Variants in CSMD1 observed in about 807,000 individuals in gnomAD.
CSMD1 encodes CUB and sushi domain-containing protein 1.
CSMD1 carries 213 observed loss-of-function variants against 417.5 expected under a neutral mutation model. The ratio of observed to expected loss-of-function variants is 0.51; its 90% CI spans 0.46 to 0.57. The LOEUF (loss-of-function observed/expected upper bound fraction) is 0.57. CSMD1 is among the 20% of genes least tolerant of loss of function. The pLI is 0.00. For synonymous variants in CSMD1, 2,862 were observed against 1,736.8 expected, an observed-to-expected ratio of 1.65 and a Z score of -16.11; for missense variants, 6,923 against 4,529.7, an observed-to-expected ratio of 1.53 and a Z score of -15.17.
At chr8:4,197,195 C>A (rs1462704504) in intron 3 of CSMD1, among the ~76,000 whole-genome samples, 1 of 152,168 alleles carries the variant, frequency 6.6e-6, no homozygotes, top group Non-Finnish European at 1.5e-5. Flanking sequence ...AAAGTCCTAG[C>A]ATTTTCCAGT....
intron 3 of CSMD1, among the ~76,000 whole-genome samples, chr8:4,405,447 T>A (rs1804941627): frequency 6.6e-6 from 1 of 152,112 alleles, no homozygotes; most frequent in Admixed American, 6.6e-5. Context: ...AAATGAAGAT[T>A]TTAACGCCCA....
At chr8:2,950,920 C>T (rs976619921) in intron 66 of CSMD1, among the ~76,000 whole-genome samples, 194 bp downstream of exon 66, 10 of 152,130 alleles carry the variant, frequency 6.6e-5, no homozygotes, top group African/African-American at 2.2e-4. Flanking sequence ...TTTCTGTACT[C>T]GTTTTGTAAT....
At position 3,471,113 on chromosome 8, in the gene CSMD1, G is replaced by C. The variant is rs148929289; in HGVS notation, c.1449-2289C>G. 3.2e-3 allele frequency among the ~76,000 whole-genome samples: 488 copies of C among 152,268 alleles called. 5 individuals are homozygous for C. The highest frequency in any genetic ancestry group is 0.01 in the African/African-American group (434 of 41,556). On this transcript the variant is annotated intron_variant, in intron 11 of 69. Coordinates refer to ENST00000635120, the MANE Select transcript of CSMD1 (RefSeq NM_033225.6). ...TACCAAATTTTTCCCCAGACTGTTT[G>C]TACATTCCCACCAGCAGTGTGTGAG...
In CSMD1 at chr8:4,200,850, C is replaced by G. The variant is rs181572532; in HGVS notation, c.416-168751G>C. 2.3e-4 allele frequency among the ~76,000 whole-genome samples: 35 copies of G among 152,050 alleles called. No individual in the cohort carries two copies. The East Asian group carries it at 6.6e-3, about 29-fold the overall frequency. ...TCTCGCCTGAGTGACAAAGTGAAAC[C>G]CTGTCTCAAAATAATGATGATAATA... On this transcript the variant is annotated intron_variant, in intron 3 of 69. Transcript: ENST00000635120.
In CSMD1 at chr8:3,087,564, G is replaced by A. The variant is rs944914653; in HGVS notation, c.7286-279C>T. 2.0e-5 allele frequency among the ~76,000 whole-genome samples: 3 copies of A among 152,186 alleles called. No individual in the cohort carries two copies. The East Asian group carries it at 5.8e-4, about 29-fold the overall frequency. ...AAACATCAAGAGTATCCAATCTTTAGGCTTCCCTGGGACACACTGGAAGAA... is the reference window on the plus strand; with the variant it reads ...AAACATCAAGAGTATCCAATCTTTAAGCTTCCCTGGGACACACTGGAAGAA... On this transcript the variant is annotated intron_variant, in intron 48 of 69. Coordinates refer to ENST00000635120, the MANE Select transcript of CSMD1 (RefSeq NM_033225.6).
At chr8:3,254,521 G>T (rs1051557081) in intron 26 of CSMD1, among the ~76,000 whole-genome samples, 1 of 152,132 alleles carries the variant, frequency 6.6e-6, no homozygotes, top group African/African-American at 2.4e-5. Context: ...CCAATCAGAC[G>T]TAGATTTGGT....
chr8:4,633,413 AT>A (rs546095176), intron 2 of CSMD1, among the ~76,000 whole-genome samples: 5 of 150,018 alleles, frequency 3.3e-5, no homozygotes, highest in South Asian at 2.1e-4. Context: ...CGCCCAGCTA[AT>A]TTTTTTTTGT....
At chr8:4,056,281 C>T (rs1048482312) in intron 3 of CSMD1, among the ~76,000 whole-genome samples, 1 of 151,700 alleles carries the variant, frequency 6.6e-6, no homozygotes, top group Admixed American at 6.6e-5. Context: ...TGGAGTTTCA[C>T]CATGTTGGCC....
Position 3,744,179 on chromosome 8 carries a change from TG to T in CSMD1, c.931+9750del, listed in dbSNP as rs552430500. ...TGGATTGACAAGGGCATGGAAGGTCTGGCGGGAGTGGGAGTTGAGGACAGGG... is the reference window on the plus strand; with the variant it reads ...TGGATTGACAAGGGCATGGAAGGTCTGCGGGAGTGGGAGTTGAGGACAGGG... On this transcript the variant is annotated intron_variant, in intron 6 of 69. Coordinates refer to ENST00000635120, the MANE Select transcript of CSMD1 (RefSeq NM_033225.6). 1.2e-3 allele frequency among the ~76,000 whole-genome samples: 187 copies of T among 152,304 alleles called. 1 individual carries two copies. The highest frequency in any genetic ancestry group is 4.2e-3 in the African/African-American group (176 of 41,566).
At chr8:3,205,463 G>T (rs1426299225) in intron 31 of CSMD1, 41 bp downstream of exon 31, 2 of 999,952 alleles carry the variant, frequency 2.0e-6, no homozygotes, top group South Asian at 1.5e-5. Context: ...AACACTGAAA[G>T]GAAATATGAC....
intron 54 of CSMD1, among the ~76,000 whole-genome samples, chr8:2,993,648 C>T (rs967676335): frequency 4.6e-5 from 7 of 152,080 alleles, no homozygotes; most frequent in African/African-American, 1.4e-4. Context: ...TCTCCCGGGA[C>T]GTATAGATCT....
intron 2 of CSMD1, among the ~76,000 whole-genome samples, chr8:4,531,402 G>A (rs559405397): frequency 6.6e-6 from 1 of 152,284 alleles, no homozygotes; most frequent in South Asian, 2.1e-4. Flanking sequence ...CAGATGATTT[G>A]GGTTTTAATC....
chr8:4,301,131 G>T (rs1465333089), intron 3 of CSMD1, among the ~76,000 whole-genome samples: 3 of 152,178 alleles, frequency 2.0e-5, no homozygotes, highest in Admixed American at 6.5e-5. Context: ...TGTTTGAGGA[G>T]AGGAATGAGC....
At chr8:4,304,577 C>G (rs11780411) in intron 3 of CSMD1, among the ~76,000 whole-genome samples, 135,038 of 152,126 alleles carry the variant, frequency 0.89, 60,091 homozygotes, top group East Asian at 1. Context: ...TTTAAAATTG[C>G]TTTGAAATGT....
At chr8:3,337,215 A>C (rs913157700) in intron 23 of CSMD1, among the ~76,000 whole-genome samples, 1 of 152,242 alleles carries the variant, frequency 6.6e-6, no homozygotes, top group African/African-American at 2.4e-5. Context: ...CTCCTTACTT[A>C]TCTCAAAGTC....
At chr8:4,323,627 G>A (rs1423458577) in intron 3 of CSMD1, among the ~76,000 whole-genome samples, 1 of 152,042 alleles carries the variant, frequency 6.6e-6, no homozygotes, top group Non-Finnish European at 1.5e-5. Context: ...GAAACCAGAA[G>A]ACATAAGGAG....
chr8:4,555,742 G>A (rs117476980), intron 2 of CSMD1, among the ~76,000 whole-genome samples: 2 of 152,142 alleles, frequency 1.3e-5, no homozygotes, highest in Non-Finnish European at 2.9e-5. Flanking sequence ...GAAACCATAA[G>A]AAAGTTCCAT....
intron 5 of CSMD1, among the ~76,000 whole-genome samples, chr8:3,876,794 T>C (rs1167774798): frequency 6.6e-6 from 1 of 152,184 alleles, no homozygotes; most frequent in East Asian, 1.9e-4. Context: ...AAATTTTTTG[T>C]AGAAACGAGG....
chr8:4,014,097 C>T (rs571457535), intron 4 of CSMD1, among the ~76,000 whole-genome samples: 2 of 152,252 alleles, frequency 1.3e-5, no homozygotes, highest in South Asian at 2.1e-4. Context: ...TCAATGCCCT[C>T]AAACTCAGCA....
Sources: gnomAD v4.1 joint callset for allele counts (sites outside exome capture counted in the v4.1 genomes callset) on GRCh38, gnomAD v4.1.1 for gene constraint, MANE v1.5 for transcripts, NCBI Gene and HGNC (gene_info 2026-07-23, HGNC 2026-07-21) for gene names.